Variants in DZIP3 observed in about 807,000 individuals in gnomAD.
The protein encoded by DZIP3 is DAZ interacting zinc finger protein 3.
DZIP3 carries 118 observed loss-of-function variants against 162.0 expected under a neutral mutation model. The observed-to-expected ratio is 0.73, with a 90% CI of 0.63 to 0.85. DZIP3 has a LOEUF of 0.85. Ranked by LOEUF, DZIP3 falls within the 40% of genes least tolerant of loss-of-function variation. The pLI is 0.00. For synonymous variants in DZIP3, 438 were observed against 458.6 expected (o/e 0.96, Z 0.57); for missense variants, 1,331 against 1,407.0 (o/e 0.95, Z 0.86).
At chr3:108,636,456 T>G (rs1292607818) in intron 10 of DZIP3, among the ~76,000 whole-genome samples, 160 bp from the exon 11 acceptor site, 1 of 152,042 alleles carries the variant, frequency 6.6e-6, no homozygotes, top group Non-Finnish European at 1.5e-5. Context: ...TCCATTGATA[T>G]ATGAAATGGA....
chr3:108,667,819 T>C (rs1439326401), intron 21 of DZIP3, among the ~76,000 whole-genome samples: 1 of 152,090 alleles, frequency 6.6e-6, no homozygotes, highest in African/African-American at 2.4e-5. Context: ...TTGATTGTTG[T>C]GATAAGGAAC....
rs566781810 is a variant in DZIP3, at chr3:108,592,237, A to G, written c.-73+2398A>G. Reference sequence around the variant, plus strand: ...CCAGGATAATTGAGGTGGAGATACAAAATAGGTGACAAATTCGAGAAGTAT... The same window carrying G: ...CCAGGATAATTGAGGTGGAGATACAGAATAGGTGACAAATTCGAGAAGTAT... On this transcript the variant is annotated intron_variant, in intron 1 of 32. Coordinates refer to ENST00000361582, the MANE Select transcript of DZIP3 (RefSeq NM_014648.4). 2.0e-5 allele frequency among the ~76,000 whole-genome samples: 3 copies of G among 152,270 alleles called. No individual in the cohort carries two copies. The South Asian group carries it at 6.2e-4, about 32-fold the overall frequency.
intron 26 of DZIP3, among the ~76,000 whole-genome samples, chr3:108,682,113 CAA>C (rs1227809984): frequency 6.6e-6 from 1 of 150,640 alleles, no homozygotes; most frequent in African/African-American, 2.5e-5. Context: ...TATCAAAAAA[CAA>C]ATGATATCAA....
At chr3:108,683,028 A>G (rs1162044038) in intron 26 of DZIP3, among the ~76,000 whole-genome samples, 1 of 150,870 alleles carries the variant, frequency 6.6e-6, no homozygotes, top group Non-Finnish European at 1.5e-5. Context: ...AAAAAATAGT[A>G]TAATCAACCT....
intron 25 of DZIP3, among the ~76,000 whole-genome samples, chr3:108,676,949 G>T (rs1263399242): frequency 6.6e-6 from 1 of 152,080 alleles, no homozygotes; most frequent in Non-Finnish European, 1.5e-5. Context: ...CTTCCAGGTT[G>T]GAGTTTTTGT....
At position 108,688,777 on chromosome 3, in the gene DZIP3, G is replaced by A. The variant is rs147205120; in HGVS notation, c.3414+41G>A. On this transcript the variant is annotated intron_variant, in intron 30 of 32. Coordinates refer to ENST00000361582, the MANE Select transcript of DZIP3 (RefSeq NM_014648.4). ...TTGATTCTGAACACATTTAGATTTG[G>A]GAGAAAACAATGAGCTAAATTTAAC... The A allele has an allele frequency of 2.4e-4, 381 of 1,613,740 alleles. 1 individual carries two copies. The African/African-American group carries it at 4.6e-3, about 19-fold the overall frequency.
At chr3:108,625,158 T>C (rs2107566567) in intron 6 of DZIP3, among the ~76,000 whole-genome samples, 1 of 152,318 alleles carries the variant, frequency 6.6e-6, no homozygotes, top group East Asian at 1.9e-4. Flanking sequence ...TTCCAGCTTT[T>C]TTTTTCTAGA....
At chr3:108,637,397 A>G (rs1293267847) in intron 11 of DZIP3, 99 bp from the exon 12 acceptor site, 2 of 1,035,754 alleles carry the variant, frequency 1.9e-6, no homozygotes, top group African/African-American at 3.2e-5. Context: ...CTGTGGCTTC[A>G]CTCTCATTGT....
At chr3:108,599,098 A>G (rs954954180) in intron 1 of DZIP3, among the ~76,000 whole-genome samples, 3 of 152,218 alleles carry the variant, frequency 2.0e-5, no homozygotes, top group Admixed American at 6.5e-5. Flanking sequence ...GATGTTTCCC[A>G]TGTTGGCAGA....
chr3:108,686,151 T>A (rs1944490062), intron 27 of DZIP3, among the ~76,000 whole-genome samples: 1 of 152,200 alleles, frequency 6.6e-6, no homozygotes, highest in Non-Finnish European at 1.5e-5. Context: ...TGTCCTATTT[T>A]AAAAATAAGT....
intron 19 of DZIP3, 134 bp from the exon 20 acceptor site, chr3:108,661,743 G>T: frequency 1.6e-6 from 1 of 616,322 alleles, no homozygotes; most frequent in Non-Finnish European, 2.9e-6. Context: ...AGGGGAGGTG[G>T]GTTTATCTAA....
intron 1 of DZIP3, among the ~76,000 whole-genome samples, chr3:108,591,106 T>C (rs1417886798): frequency 6.6e-6 from 1 of 152,170 alleles, no homozygotes; most frequent in Non-Finnish European, 1.5e-5. Flanking sequence ...GGGAAATGCT[T>C]CAAGGAGTTG....
At chr3:108,648,535 A>G (rs1189658838) in intron 16 of DZIP3, 1 of 162,674 alleles carries the variant, frequency 6.1e-6, no homozygotes, top group Admixed American at 6.2e-5. Flanking sequence ...TTCTTTACAA[A>G]TAAGTGGTAA....
In DZIP3 at chr3:108,684,299, C is replaced by T. The variant is rs777114051; in HGVS notation, c.2967C>T (p.Cys989=). ...ILTVPQMPAV[C]PGVVSATGQP... ...CTGTTCCTCAAATGCCTGCAGTTTG[C>T]CCGGGAGTCGTCTCTGCAACTGGCC... The change falls in exon 27 of 33, where the codon TGC becomes TGT. Residue 989 remains cysteine (C), a synonymous_variant. Transcript: ENST00000361582. 4 of 1,613,006 alleles carry T rather than the reference C, an allele frequency of 2.5e-6. No individual in the cohort carries two copies. Among genetic ancestry groups the T allele is most frequent in the Admixed American group, 3.3e-5 (2 of 59,898 alleles).
At chr3:108,678,641 T>C (rs1944197599) in intron 26 of DZIP3, among the ~76,000 whole-genome samples, 1 of 152,000 alleles carries the variant, frequency 6.6e-6, no homozygotes, top group Non-Finnish European at 1.5e-5. Flanking sequence ...CTGGGAAACA[T>C]AGCACCCTAA....
At chr3:108,690,669 C>T (rs1181197649) in intron 31 of DZIP3, 118 bp from the exon 32 acceptor site, 8 of 900,136 alleles carry the variant, frequency 8.9e-6, no homozygotes, top group South Asian at 1.7e-5. Flanking sequence ...CGATCCACAG[C>T]GTAAGGCTTT....
chr3:108,655,512 G>T (rs1007652181), intron 19 of DZIP3, among the ~76,000 whole-genome samples: 2 of 152,124 alleles, frequency 1.3e-5, no homozygotes, highest in African/African-American at 4.8e-5. Context: ...ATGGTAAGTG[G>T]GGGGTGGAGC....
intron 21 of DZIP3, among the ~76,000 whole-genome samples, chr3:108,668,284 A>G (rs1047614052): frequency 6.6e-5 from 10 of 152,140 alleles, no homozygotes; most frequent in Non-Finnish European, 1.0e-4. Context: ...ATAGTCAGCT[A>G]GAGTTAACTT....
At chr3:108,597,003 C>G (rs963956038) in intron 1 of DZIP3, among the ~76,000 whole-genome samples, 1 of 152,138 alleles carries the variant, frequency 6.6e-6, no homozygotes, top group African/African-American at 2.4e-5. Context: ...TAAAATAATT[C>G]AAATGCTAAT....
Sources: allele counts gnomAD v4.1 joint callset (sites outside exome capture counted in the v4.1 genomes callset), GRCh38; gene constraint gnomAD v4.1.1; transcripts MANE v1.5; gene names NCBI Gene and HGNC (gene_info 2026-07-23, HGNC 2026-07-21).